ENOPH1: variants seen among roughly 807,000 people sequenced by gnomAD.
ENOPH1 encodes enolase-phosphatase 1.
A neutral mutation model predicts 31.1 loss-of-function variants in ENOPH1; 14 were observed. The observed-to-expected ratio is 0.45, with a 90% CI of 0.30 to 0.70. The LOEUF (loss-of-function observed/expected upper bound fraction) is 0.70, where lower values mean the gene tolerates loss of function less well. ENOPH1 is among the 30% of genes least tolerant of loss of function. ENOPH1 has a pLI of 0.09. For missense variants in ENOPH1, 243 were observed against 321.5 expected (o/e 0.76, Z 1.87); for synonymous variants, 127 against 123.2 (o/e 1.03, Z -0.21).
chr4:82,439,138 G>T (rs941372145), intron 1 of ENOPH1, among the ~76,000 whole-genome samples: 1 of 152,126 alleles, frequency 6.6e-6, no homozygotes, highest in Non-Finnish European at 1.5e-5. Flanking sequence ...AGGAAAATGG[G>T]TTTCTTTTCA....
chr4:82,446,190 G>A (rs62311392), intron 1 of ENOPH1, among the ~76,000 whole-genome samples: 9,310 of 152,216 alleles, frequency 0.061, 319 homozygotes, highest in Admixed American at 0.086. Flanking sequence ...GGCTGAGGCC[G>A]GTGGATCATT....
At chr4:82,446,953 G>A (rs900925255) in intron 1 of ENOPH1, among the ~76,000 whole-genome samples, 7 of 150,720 alleles carry the variant, frequency 4.6e-5, no homozygotes, top group South Asian at 2.1e-4. Flanking sequence ...TGATCCACCC[G>A]CCTCGGCCTC....
At position 82,438,832 on chromosome 4, in the gene ENOPH1, TATCCTTGCAG is replaced by T. The variant is rs1273203199; in HGVS notation, c.84+7920_84+7929del. Reference sequence around the variant, plus strand: ...TTGTCTGATGGGTCTTAAAATTTTCTATCCTTGCAGCTTACCCTGTGTTACCACTCCACTA... The same window carrying T: ...TTGTCTGATGGGTCTTAAAATTTTCTCTTACCCTGTGTTACCACTCCACTA... On this transcript the variant is annotated intron_variant, in intron 1 of 5. Transcript: ENST00000273920. Among the ~76,000 whole-genome samples the T allele has an allele frequency of 1.7e-3, 260 of 152,360 alleles. 1 individual carries two copies. Among genetic ancestry groups the T allele is most frequent in the African/African-American group, 5.9e-3 (246 of 41,582 alleles).
At chr4:82,456,882 G>T in intron 4 of ENOPH1, 33 bp from the exon 5 acceptor site, 1 of 1,610,128 alleles carries the variant, frequency 6.2e-7, no homozygotes, top group Non-Finnish European at 8.5e-7. Context: ...AAGTGTATTT[G>T]TATTGCCAGT....
intron 2 of ENOPH1, among the ~76,000 whole-genome samples, chr4:82,448,661 C>G (rs892074146): frequency 6.6e-6 from 1 of 151,962 alleles, no homozygotes; most frequent in Non-Finnish European, 1.5e-5. Flanking sequence ...GTGGCTCACA[C>G]CTGTAATCTC....
intron 1 of ENOPH1, among the ~76,000 whole-genome samples, chr4:82,435,648 G>C (rs1479282054): frequency 6.6e-6 from 1 of 152,114 alleles, no homozygotes; most frequent in Non-Finnish European, 1.5e-5. Context: ...TCCCAACTTT[G>C]GTTAAACATC....
At chr4:82,447,865 T>G (rs1722235683) in intron 1 of ENOPH1, 55 bp from the exon 2 acceptor site, 1 of 1,071,552 alleles carries the variant, frequency 9.3e-7, no homozygotes, top group African/African-American at 1.6e-5. Flanking sequence ...AAGAACTGGA[T>G]CTTTTACAAC....
intron 2 of ENOPH1, 117 bp downstream of exon 2, chr4:82,448,138 G>GT (rs2110043134): frequency 1.7e-6 from 1 of 586,578 alleles, no homozygotes; most frequent in South Asian, 2.7e-5. Context: ...GGGGATAGAA[G>GT]TTGCAGTGAC....
chr4:82,456,867 C>G (rs1261754594), intron 4 of ENOPH1, 48 bp from the exon 5 acceptor site: 2 of 1,599,842 alleles, frequency 1.3e-6, no homozygotes, highest in Middle Eastern at 1.7e-4. Flanking sequence ...GCATGAGGGG[C>G]ATGCAAGTGT....
Position 82,460,626 on chromosome 4 carries a change from C to T in ENOPH1, c.*506C>T, listed in dbSNP as rs981873237. 1 of 152,112 alleles carries T rather than the reference C, an allele frequency of 6.6e-6. No homozygotes were observed. The highest frequency in any genetic ancestry group is 1.5e-5 in the Non-Finnish European group (1 of 68,028). The allele number at this position is 152,112 out of a possible 1,614,324, so 9.4% of individuals were successfully genotyped here. A position where few individuals can be genotyped will look rare whatever the true frequency, so the allele number is the denominator to read the frequency against. Reference sequence around the variant, plus strand: ...TATATATCAAAGACCAAGGTATTTCCTTCTGCTTCAAAAGAACAAAATTGG... The same window carrying T: ...TATATATCAAAGACCAAGGTATTTCTTTCTGCTTCAAAAGAACAAAATTGG... On this transcript the variant is annotated 3_prime_UTR_variant, in exon 6 of 6. Coordinates refer to ENST00000273920, the MANE Select transcript of ENOPH1 (RefSeq NM_021204.5).
rs1359739545 is a variant in ENOPH1, at chr4:82,430,651, A to G, written c.-179A>G. ...GGGCTCCTGGGCGGCCGCCTTTTCC[A>G]GTTCCAGGTGTGCAGAAGTGTCCTC... On this transcript the variant is annotated 5_prime_UTR_variant, in exon 1 of 6. Coordinates refer to ENST00000273920, the MANE Select transcript of ENOPH1 (RefSeq NM_021204.5). The G allele has an allele frequency of 3.4e-6, 2 of 585,996 alleles. No homozygotes were observed. The highest frequency in any genetic ancestry group is 6.1e-6 in the Non-Finnish European group (2 of 330,416). The allele number at this position is 585,996 out of a possible 1,614,324, so 36.3% of individuals were successfully genotyped here.
intron 3 of ENOPH1, among the ~76,000 whole-genome samples, chr4:82,451,520 ACTTC>A (rs1257077997): frequency 6.6e-6 from 1 of 152,166 alleles, no homozygotes; most frequent in Non-Finnish European, 1.5e-5. Context: ...GAAAATGGTG[ACTTC>A]CTTGAACTAA....
At chr4:82,436,961 A>T (rs567431015) in intron 1 of ENOPH1, among the ~76,000 whole-genome samples, 37 of 152,112 alleles carry the variant, frequency 2.4e-4, no homozygotes, top group African/African-American at 8.4e-4. Flanking sequence ...TTAAGTAAAT[A>T]ATTCAGTATG....
intron 2 of ENOPH1, among the ~76,000 whole-genome samples, chr4:82,448,724 C>G (rs536834635): frequency 7.4e-6 from 1 of 134,468 alleles, no homozygotes; most frequent in East Asian, 2.2e-4. Flanking sequence ...GAGTTTGAGA[C>G]CAGCCTGGCC....
At chr4:82,447,704 T>A (rs1722231229) in intron 1 of ENOPH1, among the ~76,000 whole-genome samples, 1 of 152,376 alleles carries the variant, frequency 6.6e-6, no homozygotes, top group South Asian at 2.1e-4. Context: ...GGCAGTGGAC[T>A]TGATTTGGCC....
intron 1 of ENOPH1, among the ~76,000 whole-genome samples, chr4:82,442,659 T>C (rs1722071250): frequency 6.6e-6 from 1 of 152,234 alleles, no homozygotes; most frequent in Non-Finnish European, 1.5e-5. Flanking sequence ...TTTAATGTCA[T>C]AACCCAGAGA....
chr4:82,454,836 G>A lies in ENOPH1; in HGVS notation c.504G>A (p.Thr168=), dbSNP rs767238999. The change falls in exon 4 of 6, where the codon ACG becomes ACA. Residue 168 remains threonine, a synonymous_variant. Transcript: ENST00000273920. ...EAQKLLFGHS[T]EGDILELVDG... ...AGAAACTGTTATTCGGGCATTCTACGGAGGGAGATATTCTTGAGGTAGGTT... is the reference window on the plus strand; with the variant it reads ...AGAAACTGTTATTCGGGCATTCTACAGAGGGAGATATTCTTGAGGTAGGTT... 3.6e-5 allele frequency: 58 copies of A among 1,612,776 alleles called. No individual in the cohort carries two copies. The highest frequency in any genetic ancestry group is 4.6e-5 in the Non-Finnish European group (54 of 1,179,652).
chr4:82,458,179 C>T (rs1029270940), intron 5 of ENOPH1, among the ~76,000 whole-genome samples: 16 of 152,160 alleles, frequency 1.1e-4, no homozygotes, highest in African/African-American at 3.6e-4. Context: ...GCCCAGACTT[C>T]CACTGCTGAG....
chr4:82,431,597 C>T (rs1291056878), intron 1 of ENOPH1, among the ~76,000 whole-genome samples: 1 of 152,178 alleles, frequency 6.6e-6, no homozygotes, highest in African/African-American at 2.4e-5. Flanking sequence ...CACTGTGAAC[C>T]AGCACTTGTC....
Sources: gnomAD v4.1 joint callset for allele counts (sites outside exome capture counted in the v4.1 genomes callset) on GRCh38, gnomAD v4.1.1 for gene constraint, MANE v1.5 for transcripts, NCBI Gene and HGNC (gene_info 2026-07-23, HGNC 2026-07-21) for gene names.